The following APOBEC3C variants were observed in gnomAD, a reference collection of about 807,000 sequenced individuals.
The protein encoded by APOBEC3C is DNA dC->dU-editing enzyme APOBEC-3C.
In APOBEC3C, 14 loss-of-function variants were observed where a neutral mutation model predicts 20.6. That is an observed-to-expected ratio of 0.68 (90% CI 0.45 to 1.06). The LOEUF (loss-of-function observed/expected upper bound fraction) is 1.06, where lower values mean the gene tolerates loss of function less well. Among genes scored for constraint, APOBEC3C ranks in the 50% least tolerant of loss-of-function variants. APOBEC3C has a pLI of 0.00. For missense variants in APOBEC3C, 244 were observed against 241.9 expected (o/e 1.01, Z -0.06); for synonymous variants, 98 against 88.8 (o/e 1.10, Z -0.58).
intron 2 of APOBEC3C, among the ~76,000 whole-genome samples, chr22:39,016,769 C>T (rs1290034837): frequency 6.6e-6 from 1 of 152,128 alleles, no homozygotes; most frequent in Middle Eastern, 3.2e-3. Flanking sequence ...TGGGGCCGCC[C>T]CCGCCACTGC....
At chr22:39,017,254 A>G (rs926364529) in intron 2 of APOBEC3C, among the ~76,000 whole-genome samples, 1 of 152,122 alleles carries the variant, frequency 6.6e-6, no homozygotes, top group African/African-American at 2.4e-5. Flanking sequence ...AAATAAAAGA[A>G]TAAAGAGAGA....
intron 1 of APOBEC3C, 86 bp downstream of exon 1, chr22:39,014,465 G>A: frequency 1.9e-6 from 3 of 1,546,100 alleles, no homozygotes; most frequent in South Asian, 1.1e-5. Context: ...GCCTCCCCCT[G>A]CCCCAGCCCC....
chr22:39,015,794 A>G, intron 2 of APOBEC3C, 43 bp downstream of exon 2: 1 of 1,581,206 alleles, frequency 6.3e-7, no homozygotes, highest in South Asian at 1.1e-5. Flanking sequence ...GGAGCTAAGC[A>G]GCTGGGAATG....
chr22:39,014,401 G>A (rs764905905), intron 1 of APOBEC3C, 22 bp downstream of exon 1: 5 of 1,613,664 alleles, frequency 3.1e-6, no homozygotes, highest in South Asian at 2.2e-5. Context: ...CGCTTTGTCC[G>A]CCAGGCCCCT....
At chr22:39,016,381 C>CTTTTTTTCTTT (rs1924785558) in intron 2 of APOBEC3C, among the ~76,000 whole-genome samples, 1 of 122,906 alleles carries the variant, frequency 8.1e-6, no homozygotes, top group African/African-American at 3.2e-5. Context: ...TTCTTTTTTT[C>CTTTTTTTCTTT]TTTTTTTTTT....
chr22:39,014,356 G>A lies in APOBEC3C; in HGVS notation c.-7G>A. The A allele has an allele frequency of 6.2e-7, 1 of 1,614,166 alleles. No individual in the cohort carries two copies. The highest frequency in any genetic ancestry group is 8.5e-7 in the Non-Finnish European group (1 of 1,180,008). Reference sequence around the variant, plus strand: ...GGACAGGGACAAGCATATCTAAGAGGCTGAACATGAATCCACAGATCAGGT... The same window carrying A: ...GGACAGGGACAAGCATATCTAAGAGACTGAACATGAATCCACAGATCAGGT... On this transcript the variant is annotated 5_prime_UTR_variant, in exon 1 of 4. Transcript: ENST00000361441.
At position 39,014,346 on chromosome 22, in the gene APOBEC3C, T is replaced by C. The variant is rs781146434; in HGVS notation, c.-17T>C. ...GAAAAGAGTGGGACAGGGACAAGCA[T>C]ATCTAAGAGGCTGAACATGAATCCA... On this transcript the variant is annotated 5_prime_UTR_variant, in exon 1 of 4. Transcript: ENST00000361441. The C allele has an allele frequency of 6.2e-7, 1 of 1,614,116 alleles. No individual in the cohort carries two copies. The highest frequency in any genetic ancestry group is 1.1e-5 in the South Asian group (1 of 91,088).
At chr22:39,014,936 A>T (rs1924728406) in intron 1 of APOBEC3C, among the ~76,000 whole-genome samples, 1 of 152,128 alleles carries the variant, frequency 6.6e-6, no homozygotes, top group African/African-American at 2.4e-5. Flanking sequence ...CTCTGTGAGC[A>T]CCGTTCACCT....
chr22:39,016,366 AT>A (rs999659508), intron 2 of APOBEC3C, among the ~76,000 whole-genome samples: 2 of 131,790 alleles, frequency 1.5e-5, no homozygotes, highest in Non-Finnish European at 1.6e-5. Context: ...TGCCCAGCTA[AT>A]TTTTTCTTTT....
Position 39,019,034 on chromosome 22 carries a change from A to G in APOBEC3C, c.*647A>G, listed in dbSNP as rs1047087079. The G allele has an allele frequency of 1.3e-5, 2 of 152,116 alleles. No homozygotes were observed. Among genetic ancestry groups the G allele is most frequent in the African/African-American group, 4.8e-5 (2 of 41,426 alleles). 9.4% of individuals were successfully genotyped at this position (152,116 alleles called of 1,614,324 possible). A position where few individuals can be genotyped will look rare whatever the true frequency, so the allele number is the denominator to read the frequency against. On this transcript the variant is annotated 3_prime_UTR_variant, in exon 4 of 4. Coordinates refer to ENST00000361441, the MANE Select transcript of APOBEC3C (RefSeq NM_014508.3). ...AAACTCAACCTAAACAGGTGTGAAT[A>G]TATGTAAGTTGAAAACCCGAAGTTT...
intron 2 of APOBEC3C, among the ~76,000 whole-genome samples, chr22:39,016,861 T>A (rs1005281196): frequency 3.3e-5 from 5 of 151,860 alleles, no homozygotes; most frequent in African/African-American, 9.7e-5. Context: ...GGATGCCTGG[T>A]GAATGGATGC....
intron 1 of APOBEC3C, 96 bp downstream of exon 1, chr22:39,014,475 C>A: frequency 6.7e-7 from 1 of 1,483,800 alleles, no homozygotes; most frequent in Admixed American, 1.8e-5. Context: ...GCCCCAGCCC[C>A]ACCTCTGGGC....
Position 39,018,253 on chromosome 22 carries a change from C to T in APOBEC3C, c.455-16C>T, listed in dbSNP as rs1924876245. The T allele has an allele frequency of 1.2e-6, 2 of 1,611,630 alleles. No individual in the cohort carries two copies. Among genetic ancestry groups the T allele is most frequent in the South Asian group, 2.2e-5 (2 of 90,956 alleles). Reference sequence around the variant, plus strand: ...GCCTGCTGGGCCCTCACTGTTTTCTCCTTGTTTTTTCTCAGATTTTAAATA... The same window carrying T: ...GCCTGCTGGGCCCTCACTGTTTTCTTCTTGTTTTTTCTCAGATTTTAAATA... On this transcript the variant is annotated splice_polypyrimidine_tract_variant and intron_variant, in intron 3 of 3. Coordinates refer to ENST00000361441, the MANE Select transcript of APOBEC3C (RefSeq NM_014508.3).
rs530432230 is a variant in APOBEC3C at position 39,016,630 on chromosome 22, C to A, written c.174+879C>A. ...GGCCTTGTTTAGCGCCCAGCACCCT[C>A]ACTCTTGACTTTGTTTCCCAAAATC... On this transcript the variant is annotated intron_variant, in intron 2 of 3. Coordinates refer to ENST00000361441, the MANE Select transcript of APOBEC3C (RefSeq NM_014508.3). Among the ~76,000 whole-genome samples, 13 of 152,268 alleles carry A rather than the reference C, an allele frequency of 8.5e-5. No individual in the cohort carries two copies. In the South Asian group the frequency reaches 1.7e-3, roughly 19 times the overall value.
Position 39,018,448 on chromosome 22 carries a change from T to A in APOBEC3C, c.*61T>A. ...GCCTCCTGCTCATGCTGCACGGGCC[T>A]CCCCTCCACCCTGGACCCGCTCTGT... is the stretch of plus-strand genomic sequence containing the variant. On this transcript the variant is annotated 3_prime_UTR_variant, in exon 4 of 4. Transcript: ENST00000361441. The A allele has an allele frequency of 1.3e-6, 2 of 1,570,424 alleles. No homozygotes were observed. The highest frequency in any genetic ancestry group is 2.7e-5 in the African/African-American group (2 of 73,602).
chr22:39,016,625 A>G (rs1469406468), intron 2 of APOBEC3C, among the ~76,000 whole-genome samples: 1 of 151,896 alleles, frequency 6.6e-6, no homozygotes, highest in African/African-American at 2.4e-5. Flanking sequence ...AGCGCCCAGC[A>G]CCCTCACTCT....
rs140381208 is a variant in APOBEC3C, at chr22:39,017,819, C to T, written c.228C>T (p.Cys76=). ...HAERCFLSWF[C]DDILSPNTKY... Reference sequence around the variant, plus strand: ...AAAGGTGCTTCCTCTCTTGGTTCTGCGACGACATACTGTCTCCTAACACAA... The same window carrying T: ...AAAGGTGCTTCCTCTCTTGGTTCTGTGACGACATACTGTCTCCTAACACAA... Residue 76 remains cysteine (C), a synonymous_variant, in exon 3 of 4, where the codon TGC becomes TGT. Coordinates refer to ENST00000361441, the MANE Select transcript of APOBEC3C (RefSeq NM_014508.3). 1.8e-4 allele frequency: 287 copies of T among 1,613,976 alleles called. No individual in the cohort carries two copies. The Middle Eastern group carries it at 2.1e-3, about 12-fold the overall frequency.
In APOBEC3C at chr22:39,019,043, T is replaced by C. The variant is rs1207539561; in HGVS notation, c.*656T>C. 1 of 152,108 alleles carries C rather than the reference T, an allele frequency of 6.6e-6. No homozygotes were observed. Among genetic ancestry groups the C allele is most frequent in the African/African-American group, 2.4e-5 (1 of 41,418 alleles). The allele number at this position is 152,108 out of a possible 1,614,324, so 9.4% of individuals were successfully genotyped here. A position where few individuals can be genotyped will look rare whatever the true frequency, so the allele number is the denominator to read the frequency against. On this transcript the variant is annotated 3_prime_UTR_variant, in exon 4 of 4. Transcript: ENST00000361441. ...CTAAACAGGTGTGAATATATGTAAG[T>C]TGAAAACCCGAAGTTTTGAGAAACA...
intron 2 of APOBEC3C, among the ~76,000 whole-genome samples, chr22:39,016,617 C>T (rs1924794582): frequency 2.0e-5 from 3 of 152,046 alleles, no homozygotes; most frequent in African/African-American, 4.8e-5. Flanking sequence ...CCTTGTTTAG[C>T]GCCCAGCACC....
Sources: allele counts gnomAD v4.1 joint callset (sites outside exome capture counted in the v4.1 genomes callset), GRCh38; gene constraint gnomAD v4.1.1; transcripts MANE v1.5; gene names NCBI Gene and HGNC (gene_info 2026-07-23, HGNC 2026-07-21).